Variants in MTCL1 observed in about 807,000 individuals in gnomAD.
MTCL1 encodes the protein microtubule crosslinking factor 1, also known as microtubule cross-linking factor 1.
A neutral mutation model predicts 141.4 loss-of-function variants in MTCL1; 79 were observed. That is an observed-to-expected ratio of 0.56 (90% CI 0.47 to 0.67). The LOEUF (loss-of-function observed/expected upper bound fraction) is 0.67. MTCL1 is among the 30% of genes least tolerant of loss of function. The pLI, the probability that MTCL1 is intolerant of heterozygous loss-of-function variation, is 0.00. For synonymous variants in MTCL1, 914 were observed against 875.8 expected, an observed-to-expected ratio of 1.04 and a Z score of -0.77; for missense variants, 2,177 against 2,113.9, an observed-to-expected ratio of 1.03 and a Z score of -0.59.
Position 8,815,966 on chromosome 18 carries a change from G to T in MTCL1, c.2859+2733G>T, listed in dbSNP as rs568707599. 3.9e-5 allele frequency among the ~76,000 whole-genome samples: 6 copies of T among 152,304 alleles called. No homozygotes were observed. In the East Asian group the frequency reaches 1.2e-3, roughly 29 times the overall value. ...ACAAATGAACTGATGCTTCAGACATGCAATGGTGGCTTTCAAAAATAAATC... is the reference window on the plus strand; with the variant it reads ...ACAAATGAACTGATGCTTCAGACATTCAATGGTGGCTTTCAAAAATAAATC... On this transcript the variant is annotated intron_variant, in intron 12 of 16. Transcript: ENST00000359865.
chr18:8,807,080 C>A lies in MTCL1; in HGVS notation c.2604+20C>A, dbSNP rs549034562. 1.2e-6 allele frequency: 2 copies of A among 1,603,988 alleles called. No homozygotes were observed. Among genetic ancestry groups the A allele is most frequent in the African/African-American group, 2.7e-5 (2 of 74,734 alleles). On this transcript the variant is annotated intron_variant, in intron 11 of 16. Transcript: ENST00000359865. ...GAACAGGTACCACCCTCCCAGGTCT[C>A]CCTCGATCCTGACTGTGTGTCTCTG... is the stretch of plus-strand genomic sequence containing the variant.
At chr18:8,757,706 T>C (rs763255712) in intron 4 of MTCL1, among the ~76,000 whole-genome samples, 1 of 151,742 alleles carries the variant, frequency 6.6e-6, no homozygotes, top group Non-Finnish European at 1.5e-5. Context: ...ATTTTTGAGA[T>C]TTTTTTTTCA....
At position 8,825,723 on chromosome 18, in the gene MTCL1, C is replaced by G. The variant is rs1370634610; in HGVS notation, c.4213C>G (p.Gln1405Glu). The G allele has an allele frequency of 2.5e-6, 4 of 1,614,150 alleles. No homozygotes were observed. Among genetic ancestry groups the G allele is most frequent in the Non-Finnish European group, 3.4e-6 (4 of 1,180,022 alleles). Residue 1405 changes from glutamine to glutamate, a missense_variant, in exon 15 of 17, where the codon CAG (glutamine) becomes GAG (glutamate). By Grantham distance (29) the Gln-to-Glu change is conservative (BLOSUM62 2). Transcript: ENST00000359865. ...GAGGAAGCCCCTCCCCAAAGCCGAC[C>G]AGCCAAATAACAGGACGTCACCAGG...
chr18:8,720,915 T>C (rs887541412), intron 4 of MTCL1, among the ~76,000 whole-genome samples: 1 of 151,210 alleles, frequency 6.6e-6, no homozygotes. Context: ...AAGTAGCTTT[T>C]TTCTCCAGAG....
chr18:8,726,286 C>CTTTTTTTTTTTT (rs77665680), intron 4 of MTCL1, among the ~76,000 whole-genome samples: 8 of 102,256 alleles, frequency 7.8e-5, no homozygotes, highest in East Asian at 2.7e-4. Context: ...TTCTTTTTTT[C>CTTTTTTTTTTTT]TTTTTTTTTT....
chr18:8,789,620 TAGTGTCTCAGCAGCCTCGGAAACA>T, intron 7 of MTCL1: 1 of 985,414 alleles, frequency 1.0e-6, no homozygotes, highest in Non-Finnish European at 1.2e-6. Flanking sequence ...TTGTCAAGAC[TAGTGTCTCAGCAGCCTCGGAAACA>T]AGTGAGGGTG....
intron 4 of MTCL1, among the ~76,000 whole-genome samples, chr18:8,747,398 G>A (rs373297828): frequency 1.3e-5 from 2 of 152,030 alleles, no homozygotes; most frequent in Admixed American, 1.3e-4. Context: ...TGCAGGGCAC[G>A]CTGTCTGGAA....
At chr18:8,746,129 T>G (rs1208167817) in intron 4 of MTCL1, among the ~76,000 whole-genome samples, 4 of 152,228 alleles carry the variant, frequency 2.6e-5, no homozygotes, top group African/African-American at 9.6e-5. Flanking sequence ...TGAGTTGATC[T>G]GTTTATCCAT....
chr18:8,770,611 T>A (rs1308763734), intron 4 of MTCL1, among the ~76,000 whole-genome samples: 1 of 152,014 alleles, frequency 6.6e-6, no homozygotes, highest in African/African-American at 2.4e-5. Flanking sequence ...TACCAGCACG[T>A]TGAGAATTAG....
chr18:8,800,949 T>C (rs1189918496), intron 10 of MTCL1, among the ~76,000 whole-genome samples: 2 of 149,956 alleles, frequency 1.3e-5, no homozygotes, highest in Non-Finnish European at 3.0e-5. Context: ...TAATATAAAA[T>C]TCATAGCAAG....
chr18:8,760,547 T>A (rs2096426833), intron 4 of MTCL1, among the ~76,000 whole-genome samples: 1 of 152,224 alleles, frequency 6.6e-6, no homozygotes, highest in African/African-American at 2.4e-5. Flanking sequence ...TCTCAGTCAA[T>A]ACAGAGGGTC....
chr18:8,788,876 T>C (rs1433573936), intron 7 of MTCL1, among the ~76,000 whole-genome samples: 7 of 152,224 alleles, frequency 4.6e-5, no homozygotes, highest in Non-Finnish European at 1.5e-5. Flanking sequence ...TGCTGCCTGC[T>C]CTTCTCAGGA....
At chr18:8,829,036 C>T (rs2077114683) in intron 16 of MTCL1, 30 of 1,611,568 alleles carry the variant, frequency 1.9e-5, no homozygotes, top group Non-Finnish European at 2.3e-5. Flanking sequence ...TGGCACCTGA[C>T]GCTCATCACC....
chr18:8,832,608 T>C (rs568299085), exon 17 of MTCL1: 1 of 152,336 alleles, frequency 6.6e-6, no homozygotes, highest in African/African-American at 2.4e-5. Context: ...GCAACACCAT[T>C]TTTAAATTAT....
At chr18:8,798,188 G>A (rs1244728574) in exon 10 of MTCL1, 3 of 1,598,766 alleles carry the variant, frequency 1.9e-6, no homozygotes, top group Non-Finnish European at 2.6e-6. Flanking sequence ...AGTGACCGAG[G>A]CTGTGGCTTT....
chr18:8,776,847 G>A (rs187215800), intron 4 of MTCL1, among the ~76,000 whole-genome samples: 232 of 152,032 alleles, frequency 1.5e-3, no homozygotes, highest in Middle Eastern at 6.8e-3. Flanking sequence ...TTGCAGCCTC[G>A]AACTCCTGGA....
At chr18:8,817,511 A>T (rs2076695725) in intron 12 of MTCL1, among the ~76,000 whole-genome samples, 1 of 152,110 alleles carries the variant, frequency 6.6e-6, no homozygotes, top group Non-Finnish European at 1.5e-5. Flanking sequence ...ATCACTAACA[A>T]TGAGCAAACG....
At chr18:8,796,134 GAC>G in intron 8 of MTCL1, 96 bp from the exon 8 acceptor site, 1 of 1,186,210 alleles carries the variant, frequency 8.4e-7, no homozygotes, top group Non-Finnish European at 1.2e-6. Flanking sequence ...TATGCAGCAT[GAC>G]AGAGACTGAG....
chr18:8,747,236 G>T (rs1467212846), intron 4 of MTCL1, among the ~76,000 whole-genome samples: 1 of 152,236 alleles, frequency 6.6e-6, no homozygotes, highest in African/African-American at 2.4e-5. Context: ...AGAACCTGAA[G>T]CTTATTCTTT....
Sources: allele counts gnomAD v4.1 joint callset (sites outside exome capture counted in the v4.1 genomes callset), GRCh38; gene constraint gnomAD v4.1.1; transcripts MANE v1.5; gene names NCBI Gene and HGNC (gene_info 2026-07-23, HGNC 2026-07-21).